The following RPH3A variants were observed in gnomAD, a reference collection of about 807,000 sequenced individuals.
RPH3A encodes rabphilin 3A, also known as rabphilin-3A.
A neutral mutation model predicts 102.2 loss-of-function variants in RPH3A; 48 were observed. That is an observed-to-expected ratio of 0.47 (90% confidence interval 0.37 to 0.60). The LOEUF (loss-of-function observed/expected upper bound fraction) is 0.60. Among genes scored for constraint, RPH3A ranks in the 20% least tolerant of loss-of-function variants. The pLI, the probability that RPH3A is intolerant of heterozygous loss-of-function variation, is 0.00. For synonymous variants in RPH3A, 310 were observed against 324.3 expected, an observed-to-expected ratio of 0.96 and a Z score of 0.47; for missense variants, 781 against 910.1, an observed-to-expected ratio of 0.86 and a Z score of 1.83.
At chr12:112,840,052 G>A (rs2042116017) in intron 4 of RPH3A, among the ~76,000 whole-genome samples, 1 of 152,130 alleles carries the variant, frequency 6.6e-6, no homozygotes, top group African/African-American at 2.4e-5. Flanking sequence ...AAATTCACAT[G>A]GCATAGGGCA....
At chr12:112,779,103 G>A (rs1463979505) in intron 1 of RPH3A, among the ~76,000 whole-genome samples, 1 of 152,188 alleles carries the variant, frequency 6.6e-6, no homozygotes, top group Non-Finnish European at 1.5e-5. Context: ...ACCAAGACAG[G>A]AATAGATGTG....
chr12:112,824,713 A>C (rs2041837442), intron 2 of RPH3A, among the ~76,000 whole-genome samples: 1 of 152,170 alleles, frequency 6.6e-6, no homozygotes, highest in Non-Finnish European at 1.5e-5. Context: ...AGGGCTGTCC[A>C]GGGTGGCTTC....
chr12:112,632,898 A>C (rs546203498), intron 1 of RPH3A, among the ~76,000 whole-genome samples: 146 of 152,042 alleles, frequency 9.6e-4, no homozygotes, highest in Non-Finnish European at 1.7e-3. Flanking sequence ...ATGTACAAAA[A>C]CTGGATCTAG....
At chr12:112,670,396 T>G (rs79333954) in intron 1 of RPH3A, among the ~76,000 whole-genome samples, 3,071 of 152,266 alleles carry the variant, frequency 0.02, 104 homozygotes, top group African/African-American at 0.069. Context: ...TTGGCCAGGC[T>G]GGTCTCGAAC....
intron 2 of RPH3A, among the ~76,000 whole-genome samples, chr12:112,825,648 A>G (rs1224289018): frequency 6.6e-6 from 1 of 152,176 alleles, no homozygotes; most frequent in Non-Finnish European, 1.5e-5. Flanking sequence ...TCTTTCACAC[A>G]TTCAGCAAAT....
At chr12:112,761,272 C>T (rs1029047025) in intron 1 of RPH3A, among the ~76,000 whole-genome samples, 3 of 152,186 alleles carry the variant, frequency 2.0e-5, no homozygotes, top group Admixed American at 2.0e-4. Flanking sequence ...GAAGTATGGG[C>T]ATAATTTACA....
chr12:112,629,615 T>G (rs1306867182), intron 1 of RPH3A, among the ~76,000 whole-genome samples: 1 of 151,830 alleles, frequency 6.6e-6, no homozygotes, highest in Non-Finnish European at 1.5e-5. Context: ...TACCTGGCAC[T>G]GCAGGTCCAC....
intron 1 of RPH3A, among the ~76,000 whole-genome samples, chr12:112,775,514 AG>A (rs1315748560): frequency 6.6e-6 from 1 of 152,216 alleles, no homozygotes; most frequent in African/African-American, 2.4e-5. Context: ...GTCTTGGATG[AG>A]GGTACAGAAA....
intron 1 of RPH3A, among the ~76,000 whole-genome samples, chr12:112,659,530 T>C (rs1444768988): frequency 6.6e-6 from 1 of 152,234 alleles, no homozygotes. Flanking sequence ...ATGATTTTGA[T>C]CTGTCTCATT....
chr12:112,633,583 C>A (rs966780284), intron 1 of RPH3A, among the ~76,000 whole-genome samples: 4 of 152,122 alleles, frequency 2.6e-5, no homozygotes, highest in Non-Finnish European at 5.9e-5. Context: ...TGCAGAGAGT[C>A]CCCACCAGCA....
chr12:112,748,126 C>T (rs2040760843), intron 1 of RPH3A, among the ~76,000 whole-genome samples: 1 of 152,172 alleles, frequency 6.6e-6, no homozygotes, highest in Admixed American at 6.5e-5. Context: ...GCCTCTGCCA[C>T]ATCTGGGTGC....
At chr12:112,773,491 A>G (rs1053697746) in intron 1 of RPH3A, among the ~76,000 whole-genome samples, 6 of 152,156 alleles carry the variant, frequency 3.9e-5, no homozygotes, top group Non-Finnish European at 7.3e-5. Context: ...TAAAAAAATA[A>G]GTATAGGCTG....
At chr12:112,662,054 GGA>G (rs2040052446) in intron 1 of RPH3A, among the ~76,000 whole-genome samples, 1 of 152,142 alleles carries the variant, frequency 6.6e-6, no homozygotes, top group African/African-American at 2.4e-5. Context: ...TAGGGACAAG[GGA>G]GGACAAAATG....
chr12:112,648,347 C>T (rs2039946827), intron 1 of RPH3A, among the ~76,000 whole-genome samples: 1 of 151,658 alleles, frequency 6.6e-6, no homozygotes, highest in Admixed American at 6.6e-5. Context: ...ATTTAGGTTG[C>T]TTTTCATTTT....
chr12:112,642,601 A>T (rs550446321), intron 1 of RPH3A, among the ~76,000 whole-genome samples: 1 of 152,096 alleles, frequency 6.6e-6, no homozygotes, highest in Non-Finnish European at 1.5e-5. Flanking sequence ...TAAATTTTTC[A>T]GTTGGCCAGT....
Position 112,875,749 on chromosome 12 carries a change from T to A in RPH3A, c.946+8T>A. On this transcript the variant is annotated splice_region_variant and intron_variant, in intron 12 of 21. Coordinates refer to ENST00000389385, the MANE Select transcript of RPH3A (RefSeq NM_001143854.2). ...TTCCAGATCAGAAGCCAGGCAAGTA[T>A]CTGCTTCCTCCCATGCCTGCCCAAG... 2 of 1,613,620 alleles carry A rather than the reference T, an allele frequency of 1.2e-6. No homozygotes were observed. The highest frequency in any genetic ancestry group is 1.3e-5 in the African/African-American group (1 of 75,000).
At chr12:112,675,092 T>C (rs185270591) in intron 1 of RPH3A, among the ~76,000 whole-genome samples, 38 of 152,356 alleles carry the variant, frequency 2.5e-4, no homozygotes, top group Non-Finnish European at 1.5e-5. Context: ...TTCATCTCTG[T>C]CAAAGCTAAA....
At chr12:112,885,364 A>G (rs987509833) in intron 16 of RPH3A, among the ~76,000 whole-genome samples, 2 of 152,154 alleles carry the variant, frequency 1.3e-5, no homozygotes, top group African/African-American at 2.4e-5. Flanking sequence ...AGCCTCATCA[A>G]CACTTTTTCA....
At chr12:112,778,940 G>A (rs912664716) in intron 1 of RPH3A, among the ~76,000 whole-genome samples, 2 of 152,208 alleles carry the variant, frequency 1.3e-5, no homozygotes, top group Admixed American at 6.5e-5. Flanking sequence ...GGAGGCATCA[G>A]CTCCACCCAA....
Sources: allele counts gnomAD v4.1 joint callset (sites outside exome capture counted in the v4.1 genomes callset), GRCh38; gene constraint gnomAD v4.1.1; transcripts MANE v1.5; gene names NCBI Gene and HGNC (gene_info 2026-07-23, HGNC 2026-07-21).